The following SLC39A12 variants were observed in gnomAD, a reference collection of about 807,000 sequenced individuals.
SLC39A12 encodes the protein solute carrier family 39 member 12.
Under a neutral mutation model 71.1 loss-of-function variants are expected in SLC39A12, and 63 were observed. The observed-to-expected ratio is 0.89, with a 90% CI of 0.72 to 1.09. SLC39A12 has a LOEUF of 1.09. Ranked by LOEUF, SLC39A12 falls within the 50% of genes least tolerant of loss-of-function variation. SLC39A12 has a pLI of 0.00. For missense variants in SLC39A12, 892 were observed against 812.6 expected (o/e 1.10, Z -1.19); for synonymous variants, 351 against 301.3 (o/e 1.16, Z -1.71).
rs143093596 is a variant in SLC39A12 at position 17,992,910 on chromosome 10, T to C, written c.1423-271T>C. Among the ~76,000 whole-genome samples the C allele has an allele frequency of 2.6e-5, 4 of 152,336 alleles. No individual in the cohort carries two copies. In the East Asian group the frequency reaches 7.7e-4, roughly 29 times the overall value. On this transcript the variant is annotated intron_variant, in intron 8 of 12. Transcript: ENST00000377369. ...AGTTTTGATTATTATCATTGCGGTA[T>C]CTCCATCAGAAAGAATTTAAAATTT...
At chr10:17,980,756 T>C (rs1007292649) in intron 5 of SLC39A12, among the ~76,000 whole-genome samples, 1 of 152,174 alleles carries the variant, frequency 6.6e-6, no homozygotes, top group Non-Finnish European at 1.5e-5. Context: ...GTTATGCCAA[T>C]TGAGAGAGGT....
In SLC39A12 at chr10:17,966,818, A is replaced by G. The variant is rs544035881; in HGVS notation, c.751+1128A>G. ...AACCTACGTCTCTACTAAAAATACA[A>G]AAAAAATTAGCCAGGCGTGGTGGCG... On this transcript the variant is annotated intron_variant, in intron 4 of 12. Transcript: ENST00000377369. Among the ~76,000 whole-genome samples, 4 of 151,770 alleles carry G rather than the reference A, an allele frequency of 2.6e-5. No homozygotes were observed. In the East Asian group the frequency reaches 5.9e-4, roughly 22 times the overall value.
chr10:17,960,218 G>A (rs1336769936), intron 2 of SLC39A12, among the ~76,000 whole-genome samples: 3 of 152,180 alleles, frequency 2.0e-5, no homozygotes, highest in Non-Finnish European at 4.4e-5. Context: ...AAGTTCGTTT[G>A]TATAGGTTCA....
intron 12 of SLC39A12, among the ~76,000 whole-genome samples, chr10:18,033,708 G>C (rs1207746928): frequency 5.7e-4 from 78 of 137,578 alleles, no homozygotes; most frequent in African/African-American, 1.9e-3. Context: ...GAATGTGTTT[G>C]CTCTTGCTTT....
chr10:18,003,777 C>T (rs951677828), intron 12 of SLC39A12, among the ~76,000 whole-genome samples: 30 of 152,050 alleles, frequency 2.0e-4, no homozygotes, highest in Non-Finnish European at 3.1e-4. Context: ...TTATACAATG[C>T]GAAAGTTCTG....
At chr10:18,035,906 C>G (rs577203716) in intron 12 of SLC39A12, among the ~76,000 whole-genome samples, 1 of 152,104 alleles carries the variant, frequency 6.6e-6, no homozygotes, top group African/African-American at 2.4e-5. Flanking sequence ...AATACCCTGC[C>G]GTGTGAGGTG....
At chr10:18,007,432 C>T (rs1048497156) in intron 12 of SLC39A12, among the ~76,000 whole-genome samples, 2 of 152,170 alleles carry the variant, frequency 1.3e-5, no homozygotes, top group African/African-American at 4.8e-5. Flanking sequence ...CCCCTAACTC[C>T]TCATGGTAAC....
chr10:18,029,415 A>G (rs2488124), intron 12 of SLC39A12, among the ~76,000 whole-genome samples: 95,982 of 151,974 alleles, frequency 0.63, 30,778 homozygotes, highest in Non-Finnish European at 0.68. Context: ...TTTTATTTCC[A>G]GAAAATTACA....
At chr10:17,973,640 C>A (rs115006047) in intron 4 of SLC39A12, among the ~76,000 whole-genome samples, 2,059 of 152,148 alleles carry the variant, frequency 0.014, 41 homozygotes, top group African/African-American at 0.043. Context: ...TGTTCCTTTT[C>A]TCCTCCTGCT....
chr10:17,955,501 C>T (rs1834517084), intron 2 of SLC39A12, among the ~76,000 whole-genome samples: 1 of 152,126 alleles, frequency 6.6e-6, no homozygotes, highest in African/African-American at 2.4e-5. Flanking sequence ...CGGGTTCTGG[C>T]GCGAACCACA....
At chr10:17,987,438 G>T (rs1835427052) in intron 6 of SLC39A12, 41 bp from the exon 7 acceptor site, 2 of 1,601,124 alleles carry the variant, frequency 1.2e-6, no homozygotes, top group Non-Finnish European at 1.7e-6. Context: ...GGAATGGAGG[G>T]CACTGGGCAC....
intron 5 of SLC39A12, among the ~76,000 whole-genome samples, chr10:17,979,063 T>C (rs1344921342): frequency 1.3e-5 from 2 of 152,252 alleles, no homozygotes; most frequent in Non-Finnish European, 2.9e-5. Context: ...TGAATATGTT[T>C]GTAAAGCTTC....
rs1436297124 is a variant in SLC39A12 at position 17,982,633 on chromosome 10, T to C, written c.1096+1150T>C. Among the ~76,000 whole-genome samples, 16 of 152,174 alleles carry C rather than the reference T, an allele frequency of 1.1e-4. 1 individual carries two copies. ...AAGAGAAAAAGAGCTTCATTAATAG[T>C]GAGCAGCCAAATAACTCAGCACTTG... is the stretch of plus-strand genomic sequence containing the variant. On this transcript the variant is annotated intron_variant, in intron 6 of 12. Coordinates refer to ENST00000377369, the MANE Select transcript of SLC39A12 (RefSeq NM_001145195.2).
intron 12 of SLC39A12, 102 bp from the exon 13 acceptor site, chr10:18,042,603 G>A (rs1837289292): frequency 8.4e-7 from 1 of 1,184,524 alleles, no homozygotes; most frequent in East Asian, 2.7e-5. Context: ...AATTTTAAAG[G>A]TTATTAAGTT....
chr10:17,991,298 G>C lies in SLC39A12; in HGVS notation c.1417G>C (p.Asp473His), dbSNP rs780370439. The C allele has an allele frequency of 2.1e-5, 33 of 1,578,190 alleles. No homozygotes were observed. In the Admixed American group the frequency reaches 6.5e-4, roughly 31 times the overall value. ...KCFILLVSPNDKQGLSLVNGH... is the reference protein window; with the variant it reads ...KCFILLVSPNHKQGLSLVNGH... ...TTTTATTCTTCTTGTATCACCAAATGACAAGGTATATTTTTAAGTTTTATT... is the reference window on the plus strand; with the variant it reads ...TTTTATTCTTCTTGTATCACCAAATCACAAGGTATATTTTTAAGTTTTATT... The change falls in exon 8 of 13, where the codon GAC (aspartate) becomes CAC (histidine). Residue 473 changes from aspartate to histidine, a missense_variant. Transcript: ENST00000377369.
At chr10:17,997,942 C>A (rs1286546687) in intron 10 of SLC39A12, among the ~76,000 whole-genome samples, 2 of 152,168 alleles carry the variant, frequency 1.3e-5, no homozygotes, top group African/African-American at 4.8e-5. Flanking sequence ...AAATATTATA[C>A]TTAATTCTGT....
At chr10:18,021,636 A>G (rs1355927645) in intron 12 of SLC39A12, among the ~76,000 whole-genome samples, 1 of 152,084 alleles carries the variant, frequency 6.6e-6, no homozygotes, top group East Asian at 1.9e-4. Flanking sequence ...GTTAATATTG[A>G]TATGTATGGA....
At chr10:18,015,272 T>C (rs1015409113) in intron 12 of SLC39A12, among the ~76,000 whole-genome samples, 1 of 152,196 alleles carries the variant, frequency 6.6e-6, no homozygotes, top group African/African-American at 2.4e-5. Context: ...CATGTCTCTT[T>C]GTAATCATTT....
chr10:17,966,676 A>G (rs915654913), intron 4 of SLC39A12, among the ~76,000 whole-genome samples: 1 of 152,072 alleles, frequency 6.6e-6, no homozygotes, highest in Non-Finnish European at 1.5e-5. Context: ...CCTTAATATC[A>G]TAAAAAATTC....
Sources: allele counts gnomAD v4.1 joint callset (sites outside exome capture counted in the v4.1 genomes callset), GRCh38; gene constraint gnomAD v4.1.1; transcripts MANE v1.5; gene names NCBI Gene and HGNC (gene_info 2026-07-23, HGNC 2026-07-21).